The following NRG1 variants were observed in gnomAD, a reference collection of about 807,000 sequenced individuals.
NRG1 encodes neuregulin 1.
In NRG1, 18 loss-of-function variants were observed where a neutral mutation model predicts 63.8. The ratio of observed to expected loss-of-function variants is 0.28; its 90% confidence interval spans 0.19 to 0.42. NRG1 has a LOEUF of 0.42. Ranked by LOEUF, NRG1 falls within the 10% of genes least tolerant of loss-of-function variation. NRG1 has a pLI of 1.00. For synonymous variants in NRG1, 302 were observed against 301.3 expected (o/e 1.00, Z -0.02); for missense variants, 762 against 814.7 (o/e 0.94, Z 0.79).
At chr8:31,690,368 G>A (rs1279523484) in intron 1 of NRG1, among the ~76,000 whole-genome samples, 1 of 152,314 alleles carries the variant, frequency 6.6e-6, no homozygotes, top group Non-Finnish European at 1.5e-5. Context: ...TTAGGAAGAT[G>A]CTATTTGAGT....
At chr8:31,648,197 G>T (rs917744169) in intron 1 of NRG1, among the ~76,000 whole-genome samples, 2 of 129,946 alleles carry the variant, frequency 1.5e-5, no homozygotes, top group Non-Finnish European at 3.1e-5. Context: ...GCTGTGGCGC[G>T]ATCTCGACTC....
chr8:32,455,478 C>A (rs1190227880), intron 1 of NRG1, among the ~76,000 whole-genome samples: 2 of 152,134 alleles, frequency 1.3e-5, no homozygotes, highest in African/African-American at 2.4e-5. Context: ...TGAATTTCAT[C>A]ACAGCCCAAT....
chr8:32,139,747 C>A (rs116486704), intron 1 of NRG1, among the ~76,000 whole-genome samples: 2,169 of 152,108 alleles, frequency 0.014, 59 homozygotes, highest in African/African-American at 0.05. Context: ...ACCTGTACTC[C>A]AAAATCAATG....
intron 1 of NRG1, among the ~76,000 whole-genome samples, chr8:31,805,613 G>A (rs1352604232): frequency 1.3e-5 from 2 of 152,070 alleles, no homozygotes; most frequent in African/African-American, 4.8e-5. Flanking sequence ...CAGATCATGA[G>A]GTCAGGAGAT....
intron 1 of NRG1, among the ~76,000 whole-genome samples, chr8:31,716,147 A>G (rs2131282145): frequency 6.6e-6 from 1 of 152,320 alleles, no homozygotes. Context: ...AAGCTATATT[A>G]AGTGTGTATT....
chr8:32,278,563 T>C (rs148472383), intron 1 of NRG1, among the ~76,000 whole-genome samples: 5 of 152,298 alleles, frequency 3.3e-5, no homozygotes, highest in Non-Finnish European at 5.9e-5. Context: ...AATCTCGCTA[T>C]CCTCAGAAAG....
At chr8:32,750,002 C>T (rs1390275234) in intron 7 of NRG1, 1 of 179,360 alleles carries the variant, frequency 5.6e-6, no homozygotes, top group Non-Finnish European at 1.2e-5. Flanking sequence ...CACACAGCAT[C>T]TTAGCCTGGT....
chr8:31,963,403 T>C (rs549656695), intron 1 of NRG1, among the ~76,000 whole-genome samples: 18 of 152,342 alleles, frequency 1.2e-4, no homozygotes, highest in Non-Finnish European at 1.9e-4. Context: ...GTCCAGTCAG[T>C]ATCCAGTGAT....
chr8:32,256,782 G>A (rs935005052), intron 1 of NRG1, among the ~76,000 whole-genome samples: 3 of 152,142 alleles, frequency 2.0e-5, no homozygotes, highest in Non-Finnish European at 2.9e-5. Context: ...ACTTGAGGAG[G>A]CAGTCTGTCC....
chr8:32,104,986 A>G (rs1452562777), intron 1 of NRG1, among the ~76,000 whole-genome samples: 1 of 152,158 alleles, frequency 6.6e-6, no homozygotes, highest in African/African-American at 2.4e-5. Flanking sequence ...TAGTAAATAC[A>G]TAAGCGAATA....
chr8:32,372,218 G>A (rs2129482805), intron 1 of NRG1, among the ~76,000 whole-genome samples: 1 of 151,874 alleles, frequency 6.6e-6, no homozygotes, highest in Non-Finnish European at 1.5e-5. Context: ...CAAACTCCTG[G>A]CCTCAAACAA....
chr8:31,943,586 C>T (rs185071444), intron 1 of NRG1, among the ~76,000 whole-genome samples: 8 of 151,014 alleles, frequency 5.3e-5, no homozygotes, highest in South Asian at 4.2e-4. Flanking sequence ...AGGTATTGCA[C>T]GAGGAAGCAA....
At chr8:32,188,123 A>G (rs115047184) in intron 1 of NRG1, among the ~76,000 whole-genome samples, 1,857 of 151,824 alleles carry the variant, frequency 0.012, 46 homozygotes, top group African/African-American at 0.042. Context: ...CTGGAGTGCA[A>G]TGGTGTGCTC....
At chr8:32,134,228 A>C (rs919112008) in intron 1 of NRG1, among the ~76,000 whole-genome samples, 71 of 152,296 alleles carry the variant, frequency 4.7e-4, no homozygotes, top group African/African-American at 1.6e-3. Context: ...TTAAGGCAGC[A>C]AAGTCACGCC....
chr8:32,602,420 T>C (rs1368921481), intron 2 of NRG1, among the ~76,000 whole-genome samples: 2 of 152,136 alleles, frequency 1.3e-5, no homozygotes, highest in Non-Finnish European at 2.9e-5. Flanking sequence ...TAGTTCCATC[T>C]AGTTCAATAG....
At chr8:32,562,573 C>G (rs1036623276) in intron 1 of NRG1, among the ~76,000 whole-genome samples, 2 of 152,108 alleles carry the variant, frequency 1.3e-5, no homozygotes, top group Non-Finnish European at 2.9e-5. Context: ...TCAAAGTCGC[C>G]TCTGGGTTGT....
At chr8:31,818,102 G>A (rs1823631067) in intron 1 of NRG1, among the ~76,000 whole-genome samples, 1 of 151,840 alleles carries the variant, frequency 6.6e-6, no homozygotes, top group Non-Finnish European at 1.5e-5. Flanking sequence ...TATTTATCAA[G>A]CCTCTAAAAA....
intron 1 of NRG1, among the ~76,000 whole-genome samples, chr8:31,797,925 A>G (rs77105004): frequency 0.026 from 4,019 of 152,320 alleles, 96 homozygotes; most frequent in Non-Finnish European, 0.036. Flanking sequence ...TGAAATAAGT[A>G]GGGCATAGAA....
chr8:32,146,649 C>G (rs1330544581), intron 1 of NRG1, among the ~76,000 whole-genome samples: 1 of 152,020 alleles, frequency 6.6e-6, no homozygotes, highest in Non-Finnish European at 1.5e-5. Context: ...ATTCCTTGAA[C>G]CTTGATTGTT....
Sources: gnomAD v4.1 joint callset for allele counts (sites outside exome capture counted in the v4.1 genomes callset) on GRCh38, gnomAD v4.1.1 for gene constraint, MANE v1.5 for transcripts, NCBI Gene and HGNC (gene_info 2026-07-23, HGNC 2026-07-21) for gene names.